MAGI1: variants seen among roughly 807,000 people sequenced by gnomAD.
MAGI1 encodes the protein membrane-associated guanylate kinase, WW and PDZ domain-containing protein 1.
In MAGI1, 58 loss-of-function variants were observed where a neutral mutation model predicts 139.9. The observed-to-expected ratio is 0.41, with a 90% CI of 0.34 to 0.52. The LOEUF (loss-of-function observed/expected upper bound fraction) is 0.52. Among genes scored for constraint, MAGI1 ranks in the 20% least tolerant of loss-of-function variants. The probability of loss-of-function intolerance (pLI) is 0.12; values close to 1 mark genes in which losing one functional copy is unlikely to be tolerated. For missense variants in MAGI1, 1,874 were observed against 1,901.6 expected, an observed-to-expected ratio of 0.99 and a Z score of 0.27; for synonymous variants, 812 against 737.9, an observed-to-expected ratio of 1.10 and a Z score of -1.63.
chr3:65,889,485 T>C (rs568856952), intron 1 of MAGI1, among the ~76,000 whole-genome samples: 1 of 152,232 alleles, frequency 6.6e-6, no homozygotes, highest in Non-Finnish European at 1.5e-5. Flanking sequence ...GTCATAGTAA[T>C]GACTATTCTT....
intron 3 of MAGI1, among the ~76,000 whole-genome samples, chr3:65,481,923 C>A (rs1418980931): frequency 6.6e-6 from 1 of 152,222 alleles, no homozygotes; most frequent in Non-Finnish European, 1.5e-5. Context: ...AAACAATCCA[C>A]TTGTTCACAA....
intron 1 of MAGI1, among the ~76,000 whole-genome samples, chr3:65,927,453 C>T (rs1423006121): frequency 6.6e-6 from 1 of 152,180 alleles, no homozygotes; most frequent in East Asian, 1.9e-4. Context: ...CATTTAATGC[C>T]ACAAGTGTGA....
chr3:65,362,897 T>C (rs896347835), intron 21 of MAGI1, among the ~76,000 whole-genome samples: 1 of 152,152 alleles, frequency 6.6e-6, no homozygotes, highest in African/African-American at 2.4e-5. Context: ...CAGAGCAGAG[T>C]GGACTTTTGG....
rs147746427 is a variant in MAGI1 at position 65,966,531 on chromosome 3, T to C, written c.313+71465A>G. Among the ~76,000 whole-genome samples the C allele has an allele frequency of 2.7e-3, 404 of 152,178 alleles. 2 individuals are homozygous for C. The highest frequency in any genetic ancestry group is 8.4e-3 in the African/African-American group (348 of 41,520). On this transcript the variant is annotated intron_variant, in intron 1 of 22. Coordinates refer to ENST00000402939, the MANE Select transcript of MAGI1 (RefSeq NM_001033057.2). Reference sequence around the variant, plus strand: ...CTATTGGGAGGCCAGGGCAGGAGGATTGCTTGAGCCTAGAAGTTCGAGGTC... The same window carrying C: ...CTATTGGGAGGCCAGGGCAGGAGGACTGCTTGAGCCTAGAAGTTCGAGGTC...
chr3:65,372,533 T>C (rs552352531), intron 18 of MAGI1, among the ~76,000 whole-genome samples: 1 of 152,310 alleles, frequency 6.6e-6, no homozygotes, highest in East Asian at 1.9e-4. Flanking sequence ...ATCAGCTGCA[T>C]TAGCCCCTAA....
At chr3:65,652,538 T>C (rs1036738438) in intron 1 of MAGI1, among the ~76,000 whole-genome samples, 11 of 152,160 alleles carry the variant, frequency 7.2e-5, no homozygotes, top group Non-Finnish European at 1.3e-4. Flanking sequence ...CATTGTCAAA[T>C]GTCTCCTGGA....
intron 2 of MAGI1, among the ~76,000 whole-genome samples, chr3:65,522,902 A>G (rs55743216): frequency 0.31 from 47,782 of 152,040 alleles, 9,240 homozygotes; most frequent in East Asian, 0.74. Flanking sequence ...GAAGACTCCC[A>G]TATGTTTTTT....
intron 1 of MAGI1, among the ~76,000 whole-genome samples, chr3:65,856,641 T>A (rs900359769): frequency 1.3e-5 from 2 of 152,200 alleles, no homozygotes; most frequent in African/African-American, 4.8e-5. Flanking sequence ...TTCTGACATA[T>A]CTCAGATGAA....
chr3:65,631,855 C>G (rs2084327690), intron 1 of MAGI1, among the ~76,000 whole-genome samples: 1 of 152,060 alleles, frequency 6.6e-6, no homozygotes, highest in East Asian at 1.9e-4. Context: ...GAAACCCCAC[C>G]TCTACCAAAA....
intron 1 of MAGI1, among the ~76,000 whole-genome samples, chr3:65,898,343 A>G (rs1291937204): frequency 6.6e-6 from 1 of 152,204 alleles, no homozygotes; most frequent in African/African-American, 2.4e-5. Context: ...GCACTATTTT[A>G]CAAAACCCTA....
At chr3:65,774,720 T>G (rs264100) in intron 1 of MAGI1, among the ~76,000 whole-genome samples, 1 of 152,030 alleles carries the variant, frequency 6.6e-6, no homozygotes, top group Admixed American at 6.5e-5. Context: ...ATGGAACATA[T>G]AGATCACAAG....
At chr3:65,660,598 C>A (rs2086138198) in intron 1 of MAGI1, among the ~76,000 whole-genome samples, 1 of 152,188 alleles carries the variant, frequency 6.6e-6, no homozygotes, top group Non-Finnish European at 1.5e-5. Context: ...GGAAAAGTTT[C>A]CAGATCTCAT....
chr3:65,375,789 T>C lies in MAGI1; in HGVS notation c.3152A>G (p.Lys1051Arg), dbSNP rs145856320. The change falls in exon 18 of 23, where the codon AAG becomes AGG. Residue 1051 changes from lysine to arginine, a missense_variant. Around this residue, in one of 5 missense-constraint regions of MAGI1, gnomAD observed 653 missense variants for 644.5 expected, o/e 1.01. Coordinates refer to ENST00000402939, the MANE Select transcript of MAGI1 (RefSeq NM_001033057.2). ...GAGGGTAACTGTGTTTCCCGCTTCCTTGATTAGGTTCACAATGTCTGAATG... is the reference window on the plus strand; with the variant it reads ...GAGGGTAACTGTGTTTCCCGCTTCCCTGATTAGGTTCACAATGTCTGAATG... ...KSHSDIVNLI[K>R]EAGNTVTLRI... The C allele has an allele frequency of 6.2e-7, 1 of 1,613,988 alleles. No homozygotes were observed. The highest frequency in any genetic ancestry group is 1.7e-5 in the Admixed American group (1 of 60,002).
intron 10 of MAGI1, among the ~76,000 whole-genome samples, chr3:65,432,669 A>G (rs1947552516): frequency 6.6e-6 from 1 of 152,160 alleles, no homozygotes; most frequent in African/African-American, 2.4e-5. Context: ...AGGCGTTGGG[A>G]GGGTGGTGTC....
At chr3:65,563,643 C>G (rs1387006217) in intron 2 of MAGI1, among the ~76,000 whole-genome samples, 1 of 152,176 alleles carries the variant, frequency 6.6e-6, no homozygotes, top group Non-Finnish European at 1.5e-5. Context: ...GTGGACCAAA[C>G]AGTCAAATCA....
chr3:65,924,610 G>C (rs2062398805), intron 1 of MAGI1, among the ~76,000 whole-genome samples: 1 of 152,190 alleles, frequency 6.6e-6, no homozygotes, highest in Non-Finnish European at 1.5e-5. Flanking sequence ...CTTGCTTAGA[G>C]TACTAGAGCA....
At chr3:65,921,983 G>A (rs2566356) in intron 1 of MAGI1, among the ~76,000 whole-genome samples, 115,195 of 151,524 alleles carry the variant, frequency 0.76, 44,993 homozygotes, top group East Asian at 0.98. Context: ...TATACAAAAT[G>A]CATTTTGGTT....
chr3:65,536,031 A>C (rs1246886585), intron 2 of MAGI1, among the ~76,000 whole-genome samples: 3 of 152,222 alleles, frequency 2.0e-5, no homozygotes, highest in Non-Finnish European at 4.4e-5. Context: ...ACTCATGACT[A>C]AACTCCTGTT....
chr3:65,763,653 A>T (rs2037221065), intron 1 of MAGI1, among the ~76,000 whole-genome samples: 1 of 152,002 alleles, frequency 6.6e-6, no homozygotes, highest in Non-Finnish European at 1.5e-5. Flanking sequence ...TCTGAATGGG[A>T]TATCTGTGCG....
Sources: gnomAD v4.1 joint callset for allele counts (sites outside exome capture counted in the v4.1 genomes callset) on GRCh38, gnomAD v4.1.1 for gene constraint, gnomAD v4.1.1 regional missense constraint, MANE v1.5 for transcripts, NCBI Gene and HGNC (gene_info 2026-07-23, HGNC 2026-07-21) for gene names.